ATRNL1: variants seen among roughly 807,000 people sequenced by gnomAD.
ATRNL1 encodes the protein attractin-like protein 1.
A neutral mutation model predicts 182.7 loss-of-function variants in ATRNL1; 95 were observed. That is an observed-to-expected ratio of 0.52 (90% CI 0.44 to 0.62). ATRNL1 has a LOEUF of 0.62. ATRNL1 is among the 20% of genes least tolerant of loss of function. The probability of loss-of-function intolerance (pLI) is 0.00; values close to 1 mark genes in which losing one functional copy is unlikely to be tolerated. For missense variants in ATRNL1, 1,471 were observed against 1,679.5 expected, an observed-to-expected ratio of 0.88 and a Z score of 2.17; for synonymous variants, 576 against 568.3, an observed-to-expected ratio of 1.01 and a Z score of -0.19.
intron 19 of ATRNL1, among the ~76,000 whole-genome samples, chr10:115,370,719 G>C (rs1857349923): frequency 6.6e-6 from 1 of 152,346 alleles, no homozygotes; most frequent in African/African-American, 2.4e-5. Context: ...AAAATGTGCA[G>C]CCTGACAATA....
chr10:115,548,784 G>A (rs145524297), intron 25 of ATRNL1, among the ~76,000 whole-genome samples: 65 of 152,124 alleles, frequency 4.3e-4, no homozygotes, highest in Non-Finnish European at 5.3e-4. Flanking sequence ...TCTCAGCCTC[G>A]GTACTACTGA....
chr10:115,120,316 T>TA (rs1554871226), intron 2 of ATRNL1, 48 bp downstream of exon 2: 2 of 994,204 alleles, frequency 2.0e-6, no homozygotes, highest in Non-Finnish European at 3.0e-6. Context: ...TCTTAAATGA[T>TA]AAAGGTGATC....
rs1372150872 is a variant in ATRNL1, at chr10:115,415,857, T to C, written c.3270-10393T>C. ...AAGACAACTTTTATCATTTACTAGA[T>C]TTTTAGCATGTGATAGTTGAGCCTG... On this transcript the variant is annotated intron_variant, in intron 20 of 28. Coordinates refer to ENST00000355044, the MANE Select transcript of ATRNL1 (RefSeq NM_207303.4). 3.9e-5 allele frequency among the ~76,000 whole-genome samples: 6 copies of C among 152,150 alleles called. No individual in the cohort carries two copies. In the South Asian group the frequency reaches 1.0e-3, roughly 26 times the overall value.
At chr10:115,599,185 A>G (rs556724486) in intron 26 of ATRNL1, among the ~76,000 whole-genome samples, 14 of 152,144 alleles carry the variant, frequency 9.2e-5, no homozygotes, top group Non-Finnish European at 1.6e-4. Context: ...TTTTTCCCAA[A>G]CTATGATTTT....
At chr10:115,170,101 T>A (rs1172827028) in intron 7 of ATRNL1, among the ~76,000 whole-genome samples, 3 of 152,162 alleles carry the variant, frequency 2.0e-5, no homozygotes, top group Non-Finnish European at 4.4e-5. Context: ...ATATTTTACT[T>A]CTTCTTTCCA....
chr10:115,438,761 A>G (rs1554965168), intron 21 of ATRNL1, among the ~76,000 whole-genome samples: 1 of 151,940 alleles, frequency 6.6e-6, no homozygotes, highest in Non-Finnish European at 1.5e-5. Context: ...GTCATATAAG[A>G]CTAGGATGAG....
chr10:115,757,462 T>C (rs1234054702), intron 27 of ATRNL1, among the ~76,000 whole-genome samples: 1 of 152,224 alleles, frequency 6.6e-6, no homozygotes, highest in African/African-American at 2.4e-5. Context: ...AAAATTCTTT[T>C]CTTTAAGAAT....
At chr10:115,237,561 C>CT (rs1377925039) in intron 9 of ATRNL1, among the ~76,000 whole-genome samples, 1 of 152,060 alleles carries the variant, frequency 6.6e-6, no homozygotes, top group Non-Finnish European at 1.5e-5. Context: ...GATCTTTTGC[C>CT]TTTTTTAAAA....
Position 115,427,050 on chromosome 10 carries a change from A to G in ATRNL1, c.3322+748A>G, listed in dbSNP as rs569489265. 1.4e-4 allele frequency among the ~76,000 whole-genome samples: 21 copies of G among 152,262 alleles called. 1 individual carries two copies. The South Asian group carries it at 4.3e-3, about 32-fold the overall frequency. On this transcript the variant is annotated intron_variant, in intron 21 of 28. Transcript: ENST00000355044. ...TCTTTAACTTTTAAAGAAACAGCCA[A>G]ATGCTGTTTCCCCAAATGGTTGTAC...
chr10:115,770,443 G>T (rs1555076075), intron 27 of ATRNL1, among the ~76,000 whole-genome samples: 1 of 152,096 alleles, frequency 6.6e-6, no homozygotes, highest in African/African-American at 2.4e-5. Flanking sequence ...AGAAGAAAAA[G>T]AATAGTTTTA....
At chr10:115,916,890 G>C (rs1485475508) in intron 28 of ATRNL1, among the ~76,000 whole-genome samples, 2 of 152,194 alleles carry the variant, frequency 1.3e-5, no homozygotes, top group Non-Finnish European at 2.9e-5. Context: ...TGTTCCTTCT[G>C]TCTGGGTATT....
At chr10:115,252,499 C>T (rs1234699983) in intron 10 of ATRNL1, among the ~76,000 whole-genome samples, 2 of 152,174 alleles carry the variant, frequency 1.3e-5, no homozygotes, top group Non-Finnish European at 2.9e-5. Flanking sequence ...GTAGCCTCTA[C>T]ATTGTGTTTA....
intron 10 of ATRNL1, among the ~76,000 whole-genome samples, chr10:115,258,505 C>G (rs1348646160): frequency 6.6e-6 from 1 of 152,046 alleles, no homozygotes; most frequent in African/African-American, 2.4e-5. Context: ...TCCTAGTTAG[C>G]CATTCGTCTA....
At chr10:115,448,872 A>ACAG (rs1847145731) in intron 21 of ATRNL1, among the ~76,000 whole-genome samples, 5 of 152,012 alleles carry the variant, frequency 3.3e-5, no homozygotes, top group African/African-American at 1.2e-4. Context: ...AACAACAACA[A>ACAG]CAACAACAAC....
intron 15 of ATRNL1, among the ~76,000 whole-genome samples, chr10:115,293,032 C>T (rs1554921389): frequency 2.6e-5 from 4 of 152,098 alleles, no homozygotes; most frequent in African/African-American, 9.7e-5. Flanking sequence ...TATCTAAGTG[C>T]TCCAACATTG....
chr10:115,795,797 C>T (rs1422079028), intron 27 of ATRNL1, among the ~76,000 whole-genome samples: 1 of 152,128 alleles, frequency 6.6e-6, no homozygotes, highest in Non-Finnish European at 1.5e-5. Context: ...GGAAACCACC[C>T]CCATGATCCA....
chr10:115,337,006 A>C (rs1554936932), intron 19 of ATRNL1, among the ~76,000 whole-genome samples: 2 of 145,502 alleles, frequency 1.4e-5, no homozygotes, highest in Non-Finnish European at 1.5e-5. Context: ...GGGGCCCGCC[A>C]CCATGCCTAG....
At chr10:115,527,782 C>T (rs962979202) in intron 25 of ATRNL1, among the ~76,000 whole-genome samples, 3 of 138,734 alleles carry the variant, frequency 2.2e-5, no homozygotes, top group East Asian at 2.1e-4. Flanking sequence ...CCTTCCTTCC[C>T]TCCCTCCCTC....
At chr10:115,471,143 A>G (rs1176662814) in intron 24 of ATRNL1, among the ~76,000 whole-genome samples, 2 of 150,748 alleles carry the variant, frequency 1.3e-5, no homozygotes, top group African/African-American at 4.8e-5. Context: ...TAAAGGCTTA[A>G]TAATATTCCA....
Sources: gnomAD v4.1 joint callset for allele counts (sites outside exome capture counted in the v4.1 genomes callset) on GRCh38, gnomAD v4.1.1 for gene constraint, MANE v1.5 for transcripts, NCBI Gene and HGNC (gene_info 2026-07-23, HGNC 2026-07-21) for gene names.